Variants in CPA4 observed in about 807,000 individuals in gnomAD.
The protein encoded by CPA4 is carboxypeptidase A3.
A neutral mutation model predicts 54.7 loss-of-function variants in CPA4; 49 were observed. The observed-to-expected ratio is 0.90, with a 90% confidence interval of 0.71 to 1.14. CPA4 has a LOEUF of 1.14. Among genes scored for constraint, CPA4 ranks in the 50% most tolerant of loss-of-function variants. The pLI, the probability that CPA4 is intolerant of heterozygous loss-of-function variation, is 0.00. For missense variants in CPA4, 487 were observed against 525.1 expected (o/e 0.93, Z 0.71); for synonymous variants, 215 against 206.8 (o/e 1.04, Z -0.34).
Position 130,308,372 on chromosome 7 carries a change from T to C in CPA4, c.768T>C (p.Asn256=), listed in dbSNP as rs145006146. 1.1e-5 allele frequency: 17 copies of C among 1,614,104 alleles called. No homozygotes were observed. In the African/African-American group the frequency reaches 1.7e-4, roughly 16 times the overall value. ...GCTCCTGCATTGGTGCTGACCCAAA[T>C]AGAAACTGGAACGCTAGTTTTGCAG... is the stretch of plus-strand genomic sequence containing the variant. ...PGSSCIGADP[N]RNWNASFAGK... The change falls in exon 8 of 11, where the codon AAT becomes AAC. Residue 256 remains asparagine (N), a synonymous_variant. Transcript: ENST00000222482.
chr7:130,322,486 C>T lies in CPA4; in HGVS notation c.1079-3C>T, dbSNP rs1794125818. The T allele has an allele frequency of 3.1e-6, 5 of 1,611,966 alleles. No homozygotes were observed. The highest frequency in any genetic ancestry group is 2.2e-5 in the South Asian group (2 of 90,654). On this transcript the variant is annotated splice_region_variant and splice_polypyrimidine_tract_variant and intron_variant, in intron 10 of 10. Coordinates refer to ENST00000222482, the MANE Select transcript of CPA4 (RefSeq NM_016352.4). ...CAAGAGTGTTTTGTCCTCCGACTTA[C>T]AGATCCAGCTAGCGGGAGCAGCATC...
rs564029769 is a variant in CPA4, at chr7:130,299,295, C to A, written c.176C>A (p.Ser59Tyr). Residue 59 changes from serine to tyrosine, a missense_variant, in exon 3 of 11, where the codon TCC becomes TAC. Transcript: ENST00000222482. ...CTCAATTTCTGGAAATCTCCCTCCT[C>A]CTTCAATCGGCCTGTGGATGTCCTG... ...LKLNFWKSPS[S>Y]FNRPVDVLVP... The A allele has an allele frequency of 6.2e-7, 1 of 1,613,998 alleles. No individual in the cohort carries two copies. Among genetic ancestry groups the A allele is most frequent in the South Asian group, 1.1e-5 (1 of 91,080 alleles).
At chr7:130,305,782 G>A in intron 5 of CPA4, 34 bp from the exon 6 acceptor site, 2 of 1,495,584 alleles carry the variant, frequency 1.3e-6, no homozygotes, top group Non-Finnish European at 1.9e-6. Context: ...ATGCGGGCAG[G>A]CGGTCATTTT....
chr7:130,306,961 C>A, intron 7 of CPA4, 64 bp downstream of exon 7: 1 of 895,976 alleles, frequency 1.1e-6, no homozygotes, highest in South Asian at 1.3e-5. Context: ...CACTAATTGT[C>A]TGATCTTGGA....
Position 130,308,317 on chromosome 7 carries a change from G to A in CPA4, c.713G>A (p.Trp238Ter), listed in dbSNP as rs1013768494. The A allele has an allele frequency of 1.9e-6, 3 of 1,614,082 alleles. No homozygotes were observed. Among genetic ancestry groups the A allele is most frequent in the Non-Finnish European group, 2.5e-6 (3 of 1,179,946 alleles). ...YVYTQTQNRL[W>*]RKTRSRNPGS... ...TGGTGGCTTTTTCAGAACCGATTAT[G>A]GAGGAAGACGCGGTCCCGAAATCCT... The change falls in exon 8 of 11, where the codon TGG becomes TAG. Residue 238 changes from tryptophan (W) to a stop codon, truncating the protein, a stop_gained. Coordinates refer to ENST00000222482, the MANE Select transcript of CPA4 (RefSeq NM_016352.4). LOFTEE classifies it high-confidence loss of function.
At chr7:130,316,591 A>T (rs574507902) in intron 10 of CPA4, among the ~76,000 whole-genome samples, 1 of 152,300 alleles carries the variant, frequency 6.6e-6, no homozygotes, top group African/African-American at 2.4e-5. Flanking sequence ...GTGGTGAAAC[A>T]TGGTGAGAGA....
intron 3 of CPA4, among the ~76,000 whole-genome samples, chr7:130,300,039 G>A (rs1464115497): frequency 1.3e-5 from 2 of 152,184 alleles, no homozygotes; most frequent in African/African-American, 4.8e-5. Context: ...GTGGGTTATG[G>A]ACTAATTGGT....
intron 9 of CPA4, among the ~76,000 whole-genome samples, chr7:130,311,704 C>A (rs1192615590): frequency 6.6e-6 from 1 of 152,116 alleles, no homozygotes; most frequent in Non-Finnish European, 1.5e-5. Context: ...ACGGTGGTGC[C>A]TTTACTAGAT....
intron 8 of CPA4, among the ~76,000 whole-genome samples, chr7:130,308,849 C>G (rs1258131716): frequency 1.5e-5 from 2 of 132,518 alleles, no homozygotes; most frequent in Admixed American, 7.3e-5. Flanking sequence ...CCTAGCCCAG[C>G]CTTTTTTTTT....
At chr7:130,322,445 G>C in intron 10 of CPA4, 44 bp from the exon 11 acceptor site, 1 of 1,555,552 alleles carries the variant, frequency 6.4e-7, no homozygotes, top group African/African-American at 1.4e-5. Flanking sequence ...ATCTAACCCA[G>C]GAGGGAACTG....
intron 6 of CPA4, 121 bp downstream of exon 6, chr7:130,306,041 G>A (rs1584748923): frequency 3.9e-6 from 3 of 765,858 alleles, no homozygotes; most frequent in East Asian, 2.6e-5. Context: ...AGTCGGCTGG[G>A]GGGCCTTTTC....
intron 10 of CPA4, among the ~76,000 whole-genome samples, chr7:130,320,087 A>T (rs745352042): frequency 6.6e-6 from 1 of 152,170 alleles, no homozygotes; most frequent in Non-Finnish European, 1.5e-5. Flanking sequence ...AAGTGTCTAA[A>T]ATGTCCACCT....
chr7:130,298,811 A>G lies in CPA4; in HGVS notation c.134A>G (p.Asn45Ser). 6.2e-7 allele frequency: 1 copy of G among 1,606,844 alleles called. No homozygotes were observed. Among genetic ancestry groups the G allele is most frequent in the Non-Finnish European group, 8.5e-7 (1 of 1,173,350 alleles). ...ATCAGCAAATTGAGTCAACTAGTGA[A>G]TTCAAACAACTTGAAGGTACCTGGT... is the stretch of plus-strand genomic sequence containing the variant. ...DEISKLSQLVNSNNLKLNFWK... is the reference protein window; with the variant it reads ...DEISKLSQLVSSNNLKLNFWK... Residue 45 changes from asparagine (N) to serine (S), a missense_variant, in exon 2 of 11, where the codon AAT (asparagine) becomes AGT (serine). Transcript: ENST00000222482.
At chr7:130,311,201 G>A (rs1584751970) in intron 9 of CPA4, among the ~76,000 whole-genome samples, 1 of 152,162 alleles carries the variant, frequency 6.6e-6, no homozygotes, top group East Asian at 1.9e-4. Context: ...TGAGTTCCCA[G>A]AACCGTGCCT....
chr7:130,295,950 G>A (rs1358720396), intron 1 of CPA4, among the ~76,000 whole-genome samples: 2 of 152,200 alleles, frequency 1.3e-5, no homozygotes. Context: ...TTGCACTCCA[G>A]CCTGGGCAAG....
intron 10 of CPA4, among the ~76,000 whole-genome samples, chr7:130,317,708 C>A (rs1453122607): frequency 6.6e-6 from 1 of 152,198 alleles, no homozygotes; most frequent in East Asian, 1.9e-4. Context: ...CTCAAGCAAT[C>A]TGTCTGTCTC....
intron 10 of CPA4, among the ~76,000 whole-genome samples, chr7:130,318,677 C>T (rs1187058491): frequency 1.3e-5 from 2 of 152,148 alleles, no homozygotes; most frequent in African/African-American, 2.4e-5. Context: ...TCTCAAAGTG[C>T]TGGGATTACA....
chr7:130,322,236 C>T (rs902010552), intron 10 of CPA4, among the ~76,000 whole-genome samples: 7 of 152,092 alleles, frequency 4.6e-5, no homozygotes, highest in South Asian at 2.1e-4. Context: ...ACTTACAGGA[C>T]GGACACAGCG....
At chr7:130,311,917 G>A (rs750277699) in intron 9 of CPA4, 121 bp from the exon 10 acceptor site, 2 of 729,570 alleles carry the variant, frequency 2.7e-6, no homozygotes, top group Non-Finnish European at 4.8e-6. Context: ...GGGGAAACAA[G>A]GGACCAGAAA....
Sources: allele counts gnomAD v4.1 joint callset (sites outside exome capture counted in the v4.1 genomes callset), GRCh38; gene constraint gnomAD v4.1.1; transcripts MANE v1.5; gene names NCBI Gene and HGNC (gene_info 2026-07-23, HGNC 2026-07-21).